REPS2: variants seen among roughly 807,000 people sequenced by gnomAD.
REPS2 encodes ralBP1-associated Eps domain-containing protein 2.
REPS2 carries 23 observed loss-of-function variants against 53.6 expected under a neutral mutation model. The ratio of observed to expected loss-of-function variants is 0.43; its 90% CI spans 0.31 to 0.61. The LOEUF is 0.61. Ranked by LOEUF, REPS2 falls within the 20% of genes least tolerant of loss-of-function variation. The pLI is 0.11. For synonymous variants in REPS2, 238 were observed against 218.6 expected, an observed-to-expected ratio of 1.09 and a Z score of -0.78; for missense variants, 446 against 534.9, an observed-to-expected ratio of 0.83 and a Z score of 1.64.
chrX:16,969,116 T>G (rs1205267283), intron 1 of REPS2, among the ~76,000 whole-genome samples: 1 of 102,414 alleles, frequency 9.8e-6, no homozygotes, highest in African/African-American at 3.7e-5. Flanking sequence ...ACTCCCCACA[T>G]CTCAGACGAT....
the REPS2 span, among the ~76,000 whole-genome samples, chrX:17,183,110 G>A: frequency 8.9e-6 from 1 of 112,467 alleles, no homozygotes; most frequent in Non-Finnish European, 1.9e-5. Flanking sequence ...AATGTTCAAA[G>A]GAGGAATGTT....
intron 1 of REPS2, among the ~76,000 whole-genome samples, chrX:16,960,881 G>A (rs1232161913): frequency 9.0e-6 from 1 of 111,546 alleles, no homozygotes; most frequent in East Asian, 2.8e-4. Context: ...AAATATTCAG[G>A]AATACATTTA....
At chrX:16,978,021 T>G (rs1467233108) in intron 1 of REPS2, among the ~76,000 whole-genome samples, 1 of 111,781 alleles carries the variant, frequency 8.9e-6, no homozygotes, top group Non-Finnish European at 1.9e-5. Context: ...TCCACATGCC[T>G]TAGGCTTCCC....
At chrX:16,958,793 C>T (rs960183971) in intron 1 of REPS2, among the ~76,000 whole-genome samples, 4 of 111,702 alleles carry the variant, frequency 3.6e-5, no homozygotes, top group East Asian at 2.8e-4. Flanking sequence ...TAGCCTCTTG[C>T]GCTGAGTGGA....
intron 9 of REPS2, among the ~76,000 whole-genome samples, chrX:17,067,233 A>G (rs1667510701): frequency 8.9e-6 from 1 of 112,301 alleles, no homozygotes; most frequent in Admixed American, 9.4e-5. Flanking sequence ...GCAAATGTGA[A>G]TATATATTAT....
intron 5 of REPS2, among the ~76,000 whole-genome samples, chrX:17,037,819 A>G (rs2061784986): frequency 8.9e-6 from 1 of 112,025 alleles, no homozygotes; most frequent in Admixed American, 9.4e-5. Flanking sequence ...ATGCCAGGCT[A>G]TGGATATGGA....
chrX:17,075,386 G>A (rs982240835), intron 12 of REPS2, among the ~76,000 whole-genome samples: 2 of 112,366 alleles, frequency 1.8e-5, no homozygotes, highest in Non-Finnish European at 3.8e-5. Flanking sequence ...ATAGCCACAC[G>A]TTCTGTTATT....
chrX:17,029,906 A>T (rs2061686963), intron 5 of REPS2, among the ~76,000 whole-genome samples: 1 of 111,979 alleles, frequency 8.9e-6, no homozygotes, highest in Admixed American at 9.5e-5. Context: ...ATCATTAGCC[A>T]CCACTTTCAG....
intron 12 of REPS2, among the ~76,000 whole-genome samples, chrX:17,075,797 C>T (rs2062373814): frequency 8.9e-6 from 1 of 112,722 alleles, no homozygotes; most frequent in African/African-American, 3.2e-5. Context: ...TTTACACACA[C>T]ATTATTTCTT....
chrX:17,095,958 T>G (rs1330003538), intron 13 of REPS2, among the ~76,000 whole-genome samples: 1 of 112,058 alleles, frequency 8.9e-6, no homozygotes, highest in African/African-American at 3.2e-5. Context: ...GTTCCAAATT[T>G]AAACAAGAGC....
the REPS2 span, among the ~76,000 whole-genome samples, chrX:17,178,074 A>C: frequency 8.9e-6 from 1 of 112,186 alleles, no homozygotes; most frequent in Non-Finnish European, 1.9e-5. Context: ...TAAAAGTAGT[A>C]AACCCCCAAA....
chrX:17,136,830 A>G (rs2063374692), intron 16 of REPS2: 1 of 111,508 alleles, frequency 9.0e-6, no homozygotes, highest in East Asian at 2.8e-4. Flanking sequence ...GCAACCACGA[A>G]TCTCCTTTCT....
At chrX:17,009,345 T>C (rs2061401456) in intron 2 of REPS2, among the ~76,000 whole-genome samples, 1 of 111,113 alleles carries the variant, frequency 9.0e-6, no homozygotes, top group South Asian at 3.8e-4. Flanking sequence ...TTTTTGTATT[T>C]TTTGTAGAGA....
the REPS2 span, among the ~76,000 whole-genome samples, chrX:17,159,404 T>C: frequency 2.7e-5 from 3 of 111,616 alleles, no homozygotes; most frequent in African/African-American, 9.8e-5. Flanking sequence ...TGGGGTGAGG[T>C]TGGAGAAAAT....
chrX:17,055,908 C>T (rs1328815000), intron 8 of REPS2, among the ~76,000 whole-genome samples: 1 of 101,842 alleles, frequency 9.8e-6, no homozygotes, highest in Non-Finnish European at 2.0e-5. Flanking sequence ...TTAGTGGGTG[C>T]AGCGCACCAG....
intron 6 of REPS2, among the ~76,000 whole-genome samples, chrX:17,048,908 T>A (rs1350385038): frequency 8.9e-6 from 1 of 112,799 alleles, no homozygotes; most frequent in Non-Finnish European, 1.9e-5. Context: ...CTTTCTTTTC[T>A]TTTTTGAGAT....
chrX:17,067,470 C>T (rs1036356284), intron 9 of REPS2, among the ~76,000 whole-genome samples: 2 of 111,844 alleles, frequency 1.8e-5, no homozygotes, highest in Admixed American at 1.9e-4. Flanking sequence ...GTATACCATA[C>T]ATTGTTATTA....
Position 17,147,460 on chromosome X carries a change from T to C in REPS2, c.1962T>C (p.Leu654=), listed in dbSNP as rs1569203719. The part of the protein sequence containing the change: ...RIALENQLEQ[L]RPVTVL ...CATTGGAAAACCAATTGGAACAACT[T>C]CGTCCGGTCACTGTGTTGTGACCCC... Residue 654 remains leucine (L), a synonymous_variant, in exon 18 of 18, where the codon CTT becomes CTC. Transcript: ENST00000357277. 8.3e-7 allele frequency: 1 copy of C among 1,206,287 alleles called. No individual in the cohort carries two copies. Among genetic ancestry groups the C allele is most frequent in the Non-Finnish European group, 1.1e-6 (1 of 891,521 alleles).
chrX:17,006,178 G>A (rs1306143662), intron 1 of REPS2, 43 bp from the exon 2 acceptor site: 3 of 1,188,010 alleles, frequency 2.5e-6, no homozygotes, highest in Admixed American at 2.2e-5. Context: ...TTTTCCTGTT[G>A]TGAAATTGGG....
Sources: allele counts gnomAD v4.1 joint callset (sites outside exome capture counted in the v4.1 genomes callset), GRCh38; gene constraint gnomAD v4.1.1; transcripts MANE v1.5; gene names NCBI Gene and HGNC (gene_info 2026-07-23, HGNC 2026-07-21).